EPHA7: variants seen among roughly 807,000 people sequenced by gnomAD.
EPHA7 encodes the protein ephrin type-A receptor 7.
A neutral mutation model predicts 112.6 loss-of-function variants in EPHA7; 25 were observed. That is an observed-to-expected ratio of 0.22 (90% CI 0.16 to 0.31). EPHA7 has a LOEUF of 0.31. EPHA7 is among the 10% of genes least tolerant of loss of function. The pLI is 1.00. For synonymous variants in EPHA7, 437 were observed against 406.5 expected, an observed-to-expected ratio of 1.07 and a Z score of -0.90; for missense variants, 962 against 1,212.6, an observed-to-expected ratio of 0.79 and a Z score of 3.07.
intron 5 of EPHA7, among the ~76,000 whole-genome samples, chr6:93,321,027 TGAG>T (rs1451769209): frequency 5.9e-5 from 9 of 151,964 alleles, no homozygotes; most frequent in African/African-American, 2.2e-4. Flanking sequence ...TCACGTGTTA[TGAG>T]GAGGGCTTAT....
At chr6:93,253,700 T>C (rs1770315529) in intron 14 of EPHA7, among the ~76,000 whole-genome samples, 1 of 152,124 alleles carries the variant, frequency 6.6e-6, no homozygotes, top group South Asian at 2.1e-4. Context: ...CATACACCTC[T>C]AAACCTTAAC....
chr6:93,318,851 AG>A (rs1219675823), intron 5 of EPHA7, among the ~76,000 whole-genome samples: 2 of 152,158 alleles, frequency 1.3e-5, no homozygotes, highest in Non-Finnish European at 2.9e-5. Flanking sequence ...TGTGGCTGAA[AG>A]GAAAAGAAAA....
Position 93,258,219 on chromosome 6 carries a change from T to C in EPHA7, c.1990A>G (p.Ile664Val). The C allele has an allele frequency of 6.2e-7, 1 of 1,613,400 alleles. No individual in the cohort carries two copies. Among genetic ancestry groups the C allele is most frequent in the Non-Finnish European group, 8.5e-7 (1 of 1,179,614 alleles). The change falls in exon 11 of 17, where the codon ATA becomes GTA. Residue 664 changes from isoleucine to valine, a missense_variant. Ile to Val is a conservative substitution (Grantham distance 29). Coordinates refer to ENST00000369303, the MANE Select transcript of EPHA7 (RefSeq NM_004440.4). ...GTGTAACCAACTTTCAGGGTTTTTA[T>C]GGCTACTGCAACATCTCTTTTCCCT... ...LPGKRDVAVA[I>V]KTLKVGYTEK...
chr6:93,299,048 C>A (rs1002223173), intron 5 of EPHA7, among the ~76,000 whole-genome samples: 1 of 152,096 alleles, frequency 6.6e-6, no homozygotes, highest in Non-Finnish European at 1.5e-5. Flanking sequence ...AAAGCTCAGC[C>A]GGGCGCGGTG....
intron 4 of EPHA7, among the ~76,000 whole-genome samples, chr6:93,357,783 A>G (rs2127946183): frequency 6.6e-6 from 1 of 151,788 alleles, no homozygotes; most frequent in East Asian, 2.0e-4. Context: ...TCTTCCGCGT[A>G]GCTGGGATTA....
intron 3 of EPHA7, among the ~76,000 whole-genome samples, chr6:93,360,201 G>T (rs988068550): frequency 1.3e-5 from 2 of 151,864 alleles, no homozygotes; most frequent in Non-Finnish European, 2.9e-5. Context: ...ATATGATCTT[G>T]TCACATTAAA....
At chr6:93,364,487 G>A (rs749178587) in intron 3 of EPHA7, among the ~76,000 whole-genome samples, 2 of 142,692 alleles carry the variant, frequency 1.4e-5, no homozygotes, top group Non-Finnish European at 3.0e-5. Flanking sequence ...TGGTGCCACT[G>A]CACTCCATCC....
intron 5 of EPHA7, among the ~76,000 whole-genome samples, chr6:93,349,853 A>T (rs894301260): frequency 6.6e-6 from 1 of 151,932 alleles, no homozygotes; most frequent in Non-Finnish European, 1.5e-5. Context: ...AATTTATGAG[A>T]AAACAGTCAC....
intron 5 of EPHA7, among the ~76,000 whole-genome samples, chr6:93,350,567 C>T (rs570130182): frequency 1.3e-5 from 2 of 152,044 alleles, no homozygotes; most frequent in Admixed American, 1.3e-4. Context: ...GATCATTCAT[C>T]CATACACAAC....
chr6:93,362,170 CAT>C (rs1359475171), intron 3 of EPHA7, among the ~76,000 whole-genome samples: 2 of 151,860 alleles, frequency 1.3e-5, no homozygotes, highest in African/African-American at 4.8e-5. Flanking sequence ...TGTCAGATTT[CAT>C]ATGTTAAGCA....
chr6:93,250,342 A>T (rs1214200184), intron 14 of EPHA7, among the ~76,000 whole-genome samples: 1 of 152,208 alleles, frequency 6.6e-6, no homozygotes, highest in Non-Finnish European at 1.5e-5. Context: ...TAAATATGCA[A>T]CTAATAATCA....
intron 16 of EPHA7, among the ~76,000 whole-genome samples, chr6:93,243,901 T>C (rs1051883348): frequency 6.6e-6 from 1 of 152,114 alleles, no homozygotes; most frequent in African/African-American, 2.4e-5. Context: ...TAGAAATTTC[T>C]AACTGGAAAA....
intron 3 of EPHA7, among the ~76,000 whole-genome samples, chr6:93,391,329 A>C (rs942152249): frequency 6.6e-6 from 1 of 151,978 alleles, no homozygotes; most frequent in African/African-American, 2.4e-5. Flanking sequence ...ATATGGTATC[A>C]CCATCTAAGA....
intron 5 of EPHA7, among the ~76,000 whole-genome samples, chr6:93,280,131 A>G (rs1771659032): frequency 6.6e-6 from 1 of 152,204 alleles, no homozygotes; most frequent in Admixed American, 6.5e-5. Flanking sequence ...AAGTTAGAAC[A>G]TGAATGCTCA....
intron 3 of EPHA7, among the ~76,000 whole-genome samples, chr6:93,400,040 T>C (rs1162148591): frequency 6.6e-6 from 1 of 152,034 alleles, no homozygotes; most frequent in African/African-American, 2.4e-5. Flanking sequence ...GAGTGTATCA[T>C]ATCTGAGTGG....
chr6:93,326,649 T>C (rs956384452), intron 5 of EPHA7, among the ~76,000 whole-genome samples: 4 of 151,496 alleles, frequency 2.6e-5, no homozygotes, highest in Non-Finnish European at 4.4e-5. Flanking sequence ...AATACAGGAA[T>C]AGATCCTGGG....
chr6:93,392,681 C>A (rs1475759596), intron 3 of EPHA7, among the ~76,000 whole-genome samples: 2 of 151,880 alleles, frequency 1.3e-5, no homozygotes. Flanking sequence ...TAGCAAATTG[C>A]CACCAAAGAA....
chr6:93,405,610 T>C (rs1778655804), intron 3 of EPHA7, among the ~76,000 whole-genome samples: 1 of 151,414 alleles, frequency 6.6e-6, no homozygotes. Flanking sequence ...CATTCAATTC[T>C]GACAAGAACC....
chr6:93,319,966 T>C (rs1773986089), intron 5 of EPHA7, among the ~76,000 whole-genome samples: 1 of 152,106 alleles, frequency 6.6e-6, no homozygotes, highest in Admixed American at 6.6e-5. Flanking sequence ...AAAAATATTC[T>C]ATGCTGAGGC....
Sources: allele counts gnomAD v4.1 joint callset (sites outside exome capture counted in the v4.1 genomes callset), GRCh38; gene constraint gnomAD v4.1.1; transcripts MANE v1.5; gene names NCBI Gene and HGNC (gene_info 2026-07-23, HGNC 2026-07-21).